PYGL: variants seen among roughly 807,000 people sequenced by gnomAD.
PYGL encodes the protein glycogen phosphorylase, liver form.
In PYGL, 90 loss-of-function variants were observed where a neutral mutation model predicts 100.1. The ratio of observed to expected loss-of-function variants is 0.90; its 90% CI spans 0.76 to 1.07. PYGL has a LOEUF of 1.07. PYGL is among the 50% of genes least tolerant of loss of function. PYGL has a pLI of 0.00. For synonymous variants in PYGL, 373 were observed against 393.0 expected (o/e 0.95, Z 0.60); for missense variants, 1,016 against 1,057.6 (o/e 0.96, Z 0.55).
intron 10 of PYGL, 83 bp from the exon 11 acceptor site, chr14:50,915,582 A>C: frequency 6.4e-7 from 1 of 1,555,174 alleles, no homozygotes; most frequent in Non-Finnish European, 8.8e-7. Context: ...CTTAAGCAAA[A>C]TCTTTGGTGT....
chr14:50,913,572 C>T (rs1443934477), intron 12 of PYGL, among the ~76,000 whole-genome samples: 1 of 151,924 alleles, frequency 6.6e-6, no homozygotes, highest in Non-Finnish European at 1.5e-5. Flanking sequence ...GACGGGGTTT[C>T]ACTGTGTTAG....
At chr14:50,913,868 T>C (rs2050421779) in intron 12 of PYGL, among the ~76,000 whole-genome samples, 1 of 151,940 alleles carries the variant, frequency 6.6e-6, no homozygotes, top group South Asian at 2.1e-4. Flanking sequence ...TTTTTATTTT[T>C]GTAGAGACGG....
At chr14:50,906,281 A>T (rs2050335777) in intron 19 of PYGL, among the ~76,000 whole-genome samples, 1 of 152,246 alleles carries the variant, frequency 6.6e-6, no homozygotes, top group Non-Finnish European at 1.5e-5. Context: ...CAAAAATGTT[A>T]TCAATGCATT....
rs79809617 is a variant in PYGL, at chr14:50,924,288, T to C, written c.529-188A>G. ...CGCTAATACAGCTCTAAATATTTTA[T>C]ATGTATTACTGCATTTAATCCTCTT... On this transcript the variant is annotated intron_variant, in intron 4 of 19. Coordinates refer to ENST00000216392, the MANE Select transcript of PYGL (RefSeq NM_002863.5). Among the ~76,000 whole-genome samples, 5,520 of 152,310 alleles carry C rather than the reference T, an allele frequency of 0.036. 136 individuals are homozygous for C. The highest frequency in any genetic ancestry group is 0.072 in the East Asian group (373 of 5,194).
intron 4 of PYGL, among the ~76,000 whole-genome samples, chr14:50,927,451 C>T (rs2050561370): frequency 6.6e-6 from 1 of 152,194 alleles, no homozygotes; most frequent in Non-Finnish European, 1.5e-5. Context: ...TCTTGAACTC[C>T]TGACCTCAAG....
At chr14:50,912,749 T>A (rs1596034107) in intron 13 of PYGL, among the ~76,000 whole-genome samples, 3 of 151,592 alleles carry the variant, frequency 2.0e-5, no homozygotes, top group South Asian at 4.2e-4. Flanking sequence ...AGGTCAGGAG[T>A]TCGAGACCAG....
At chr14:50,905,709 A>T (rs778720916) in intron 19 of PYGL, among the ~76,000 whole-genome samples, 153 bp from the exon 20 acceptor site, 2 of 152,234 alleles carry the variant, frequency 1.3e-5, no homozygotes, top group Non-Finnish European at 2.9e-5. Flanking sequence ...GTCTGTTGAG[A>T]GGTAGAATAG....
At chr14:50,920,745 A>G in intron 6 of PYGL, 122 bp from the exon 7 acceptor site, 1 of 1,179,248 alleles carries the variant, frequency 8.5e-7, no homozygotes, top group East Asian at 2.5e-5. Flanking sequence ...AAAATCCCAA[A>G]GGATTTCAAC....
chr14:50,908,176 C>T (rs1021624604), intron 19 of PYGL, 95 bp downstream of exon 19: 6 of 910,284 alleles, frequency 6.6e-6, no homozygotes, highest in African/African-American at 5.1e-5. Context: ...TCTGATATTA[C>T]ATGGGGATCT....
At position 50,923,979 on chromosome 14, in the gene PYGL, A is replaced by G. The variant is rs368025070; in HGVS notation, c.650T>C (p.Ile217Thr). The G allele has an allele frequency of 6.2e-6, 10 of 1,613,798 alleles. No individual in the cohort carries two copies. Among genetic ancestry groups the G allele is most frequent in the South Asian group, 1.1e-5 (1 of 91,084 alleles). Residue 217 changes from isoleucine to threonine, a missense_variant, in exon 5 of 20, where the codon ATT becomes ACT. Physicochemically the swap from Ile to Thr is moderately conservative, Grantham distance 89. Transcript: ENST00000216392. The part of the protein sequence containing the change: ...VEHTNTGTKW[I>T]DTQVVLALPY... Reference sequence around the variant, plus strand: ...GAGCACTCTGAATACTTGAGTGTCAATCCACTTGGTCCCGGTGTTGGTGTG... The same window carrying G: ...GAGCACTCTGAATACTTGAGTGTCAGTCCACTTGGTCCCGGTGTTGGTGTG...
chr14:50,935,231 G>A (rs1036257789), intron 2 of PYGL, 46 bp from the exon 3 acceptor site: 2 of 1,479,688 alleles, frequency 1.4e-6, no homozygotes, highest in African/African-American at 2.8e-5. Context: ...AAAAATTCAG[G>A]CCATTCAGAG....
chr14:50,920,242 C>T (rs2139177946), intron 7 of PYGL, among the ~76,000 whole-genome samples: 1 of 152,266 alleles, frequency 6.6e-6, no homozygotes, highest in Non-Finnish European at 1.5e-5. Flanking sequence ...AGTGCTTCAC[C>T]AGTGATTTAC....
rs3216001 is a variant in PYGL at position 50,905,380 on chromosome 14, CA to C, written c.*11del. The C allele has an allele frequency of 0.31, 496,151 of 1,601,504 alleles. 84,591 individuals are homozygous for C. The highest frequency in any genetic ancestry group is 0.62 in the East Asian group (27,968 of 44,764). On this transcript the variant is annotated 3_prime_UTR_variant, in exon 20 of 20. Coordinates refer to ENST00000216392, the MANE Select transcript of PYGL (RefSeq NM_002863.5). ...AGTAAGAAGCTATGTTTTCTAGAGACAATTCTAGAGTTCAATTTCCATTGAC... is the reference window on the plus strand; with the variant it reads ...AGTAAGAAGCTATGTTTTCTAGAGACATTCTAGAGTTCAATTTCCATTGAC...
Position 50,910,113 on chromosome 14 carries a change from G to A in PYGL, c.1970-11C>T, listed in dbSNP as rs762707699. ...CTGTGGCTGGAATGACTGCAAGAAAGGTAAGTTAAAATTAGTAATTTTGTC... is the reference window on the plus strand; with the variant it reads ...CTGTGGCTGGAATGACTGCAAGAAAAGTAAGTTAAAATTAGTAATTTTGTC... On this transcript the variant is annotated splice_polypyrimidine_tract_variant and intron_variant, in intron 16 of 19. Coordinates refer to ENST00000216392, the MANE Select transcript of PYGL (RefSeq NM_002863.5). The A allele has an allele frequency of 6.2e-7, 1 of 1,609,818 alleles. No individual in the cohort carries two copies. Among genetic ancestry groups the A allele is most frequent in the Non-Finnish European group, 8.5e-7 (1 of 1,176,086 alleles).
chr14:50,916,321 TG>T, intron 9 of PYGL, among the ~76,000 whole-genome samples: 1 of 152,236 alleles, frequency 6.6e-6, no homozygotes, highest in Admixed American at 6.5e-5. Flanking sequence ...TCTAAAGCTA[TG>T]GGGACACTCA....
In PYGL at chr14:50,908,532, G is replaced by T. The variant is rs2356535; in HGVS notation, c.2313-195C>A. 0.27 allele frequency among the ~76,000 whole-genome samples: 40,965 copies of T among 151,972 alleles called. 6,115 individuals carry two copies. Among genetic ancestry groups the T allele is most frequent in the East Asian group, 0.51 (2,616 of 5,162 alleles). ...TCTCACATGTGAGAATGTCATCACT[G>T]GGATGCATTTGGAAGTTGGGAATAT... On this transcript the variant is annotated intron_variant, in intron 18 of 19. Coordinates refer to ENST00000216392, the MANE Select transcript of PYGL (RefSeq NM_002863.5).
chr14:50,906,552 G>C (rs955386626), intron 19 of PYGL, among the ~76,000 whole-genome samples: 1 of 152,168 alleles, frequency 6.6e-6, no homozygotes, highest in African/African-American at 2.4e-5. Flanking sequence ...AAGAAAGACC[G>C]AATCAAATGC....
intron 16 of PYGL, among the ~76,000 whole-genome samples, 179 bp downstream of exon 16, chr14:50,911,551 T>A (rs1691201774): frequency 6.6e-6 from 1 of 152,212 alleles, no homozygotes; most frequent in Non-Finnish European, 1.5e-5. Flanking sequence ...CTCCAGGACA[T>A]CAATTTCATT....
intron 1 of PYGL, among the ~76,000 whole-genome samples, chr14:50,942,963 G>C (rs933003304): frequency 6.6e-6 from 1 of 152,152 alleles, no homozygotes; most frequent in Non-Finnish European, 1.5e-5. Flanking sequence ...TAGGTCTTTG[G>C]GGTGAAGAAG....
Sources: allele counts gnomAD v4.1 joint callset (sites outside exome capture counted in the v4.1 genomes callset), GRCh38; gene constraint gnomAD v4.1.1; transcripts MANE v1.5; gene names NCBI Gene and HGNC (gene_info 2026-07-23, HGNC 2026-07-21).